CDC42BPG: variants seen among roughly 807,000 people sequenced by gnomAD.
The protein encoded by CDC42BPG is serine/threonine-protein kinase MRCK gamma.
Under a neutral mutation model 192.2 loss-of-function variants are expected in CDC42BPG, and 157 were observed. The observed-to-expected ratio is 0.82, with a 90% CI of 0.72 to 0.93. The LOEUF (loss-of-function observed/expected upper bound fraction) is 0.93, where lower values mean the gene tolerates loss of function less well. CDC42BPG is among the 40% of genes least tolerant of loss of function. The pLI is 0.00. For synonymous variants in CDC42BPG, 981 were observed against 918.5 expected, an observed-to-expected ratio of 1.07 and a Z score of -1.23; for missense variants, 1,992 against 2,122.1, an observed-to-expected ratio of 0.94 and a Z score of 1.20.
intron 1 of CDC42BPG, among the ~76,000 whole-genome samples, chr11:64,843,509 T>C (rs1050500584): frequency 6.6e-6 from 1 of 152,076 alleles, no homozygotes; most frequent in Non-Finnish European, 1.5e-5. Context: ...ACCCCAGGCC[T>C]TGTGCCTTCC....
chr11:64,835,254 C>T, intron 16 of CDC42BPG, 93 bp downstream of exon 16: 3 of 1,608,170 alleles, frequency 1.9e-6, no homozygotes, highest in Non-Finnish European at 2.5e-6. Flanking sequence ...TCCATGTCCA[C>T]CCTGCTCACT....
chr11:64,834,083 G>T, intron 20 of CDC42BPG, 106 bp from the exon 21 acceptor site: 1 of 1,525,150 alleles, frequency 6.6e-7, no homozygotes, highest in Non-Finnish European at 9.1e-7. Context: ...TGACCACAGG[G>T]TGGGGCAGGG....
In CDC42BPG at chr11:64,824,532, G is replaced by A; in HGVS notation, c.4600-3C>T. The A allele has an allele frequency of 6.9e-6, 11 of 1,602,552 alleles. No homozygotes were observed. Among genetic ancestry groups the A allele is most frequent in the Non-Finnish European group, 9.4e-6 (11 of 1,169,834 alleles). ...AGGCTTCGGGGCCGTTCTGAGACCT[G>A]CAGGAGAAAGAAAAGGAAGTCAAGG... On this transcript the variant is annotated splice_polypyrimidine_tract_variant and splice_region_variant and intron_variant, in intron 36 of 36. Coordinates refer to ENST00000342711, the MANE Select transcript of CDC42BPG (RefSeq NM_017525.3).
At chr11:64,833,199 G>A (rs968300827) in intron 24 of CDC42BPG, 32 bp downstream of exon 24, 28 of 1,487,510 alleles carry the variant, frequency 1.9e-5, no homozygotes, top group South Asian at 3.6e-5. Flanking sequence ...ACCTGGGACC[G>A]TGGCTGGAGC....
intron 28 of CDC42BPG, 123 bp downstream of exon 28, chr11:64,831,382 C>T: frequency 5.5e-6 from 5 of 907,924 alleles, no homozygotes; most frequent in Non-Finnish European, 8.4e-6. Flanking sequence ...ATACGTGGTG[C>T]AAGGCAGTCT....
intron 8 of CDC42BPG, 108 bp from the exon 9 acceptor site, chr11:64,838,270 A>T: frequency 1.3e-6 from 1 of 794,912 alleles, no homozygotes. Context: ...ACAGGTGGGA[A>T]CTCAGGGGGG....
In CDC42BPG at chr11:64,823,585, A is replaced by T. The variant is rs1241982871; in HGVS notation, c.*888T>A. On this transcript the variant is annotated 3_prime_UTR_variant, in exon 37 of 37. Coordinates refer to ENST00000342711, the MANE Select transcript of CDC42BPG (RefSeq NM_017525.3). ...GTTTCCAATACACAACTGGTTGAAG[A>T]TTCGAGAAAAACGACCCCCTTTCTG... The T allele has an allele frequency of 6.6e-6, 1 of 152,174 alleles. No individual in the cohort carries two copies. The highest frequency in any genetic ancestry group is 2.4e-5 in the African/African-American group (1 of 41,446). The allele number at this position is 152,174 out of a possible 1,614,324, so 9.4% of individuals were successfully genotyped here.
chr11:64,834,393 C>A (rs888608696), intron 19 of CDC42BPG, 36 bp downstream of exon 19: 14 of 1,557,672 alleles, frequency 9.0e-6, no homozygotes, highest in Non-Finnish European at 1.0e-5. Context: ...GGCCTCTGTG[C>A]GGGCCCTGGC....
chr11:64,838,773 A>C lies in CDC42BPG; in HGVS notation c.1006T>G (p.Phe336Val), dbSNP rs759932575. Residue 336 changes from phenylalanine (F) to valine (V), a missense_variant, in exon 8 of 37, where the codon TTC (phenylalanine) becomes GTC (valine). Physicochemically the swap from Phe to Val is conservative, Grantham distance 50. Transcript: ENST00000342711. ...CGCTCCCAGTCCACGCCTTCGAAGA[A>C]AGGATGGTTCCGGAAGTCATCCAGC... ...GGLDDFRNHPFFEGVDWERLA... is the reference protein window; with the variant it reads ...GGLDDFRNHPVFEGVDWERLA... The C allele has an allele frequency of 6.2e-7, 1 of 1,612,952 alleles. No homozygotes were observed. Among genetic ancestry groups the C allele is most frequent in the Admixed American group, 1.7e-5 (1 of 60,030 alleles).
In CDC42BPG at chr11:64,829,652, GGCCCCCAGC is replaced by G. The variant is rs1414593481; in HGVS notation, c.3777_3785del (p.Leu1260_Ala1262del). ...GTGGCAGCTCCTCAGGCACCAAACC[GGCCCCCAGC>G]GCCAACGGCGCAGCCTCGTTGAGCA... On this transcript the variant is annotated inframe_deletion, in exon 30 of 37. Coordinates refer to ENST00000342711, the MANE Select transcript of CDC42BPG (RefSeq NM_017525.3). The G allele has an allele frequency of 1.2e-6, 2 of 1,611,362 alleles. No individual in the cohort carries two copies. The highest frequency in any genetic ancestry group is 1.7e-6 in the Non-Finnish European group (2 of 1,179,354).
intron 3 of CDC42BPG, 130 bp from the exon 4 acceptor site, chr11:64,840,778 C>T (rs769228178): frequency 3.1e-5 from 24 of 765,272 alleles, no homozygotes; most frequent in African/African-American, 5.1e-5. Context: ...CTCTACTGTC[C>T]CCTGTCTGGC....
intron 3 of CDC42BPG, among the ~76,000 whole-genome samples, 198 bp downstream of exon 3, chr11:64,841,451 CA>C (rs376345283): frequency 0.057 from 5,362 of 94,242 alleles, 146 homozygotes; most frequent in African/African-American, 0.13. Context: ...GATTCCGTCT[CA>C]AAAAAAAAAA....
rs940919830 is a variant in CDC42BPG at position 64,843,452 on chromosome 11, G to A, written c.160+958C>T. Among the ~76,000 whole-genome samples the A allele has an allele frequency of 5.3e-5, 8 of 152,210 alleles. No individual in the cohort carries two copies. The East Asian group carries it at 1.6e-3, about 29-fold the overall frequency. On this transcript the variant is annotated intron_variant, in intron 1 of 36. Transcript: ENST00000342711. ...CCTCGCCCTGGATGGAAGGGTTGGGGCTAGGGGACAACTCCCTGGCACATC... is the reference window on the plus strand; with the variant it reads ...CCTCGCCCTGGATGGAAGGGTTGGGACTAGGGGACAACTCCCTGGCACATC...
rs373821422 is a variant in CDC42BPG at position 64,830,247 on chromosome 11, C to T, written c.3314G>A (p.Arg1105Gln). 33 of 1,608,874 alleles carry T rather than the reference C, an allele frequency of 2.1e-5. No individual in the cohort carries two copies. The highest frequency in any genetic ancestry group is 2.6e-5 in the Non-Finnish European group (31 of 1,177,634). The change falls in exon 29 of 37, where the codon CGA becomes CAA. Residue 1105 changes from arginine to glutamine, a missense_variant. Arg to Gln is a conservative substitution (Grantham distance 43, BLOSUM62 1). Coordinates refer to ENST00000342711, the MANE Select transcript of CDC42BPG (RefSeq NM_017525.3). Reference sequence around the variant, plus strand: ...CCCCTCCTCGGTGCCAAGCGCAAGTCGATCCTGGTCTGGTAGAGGGAGGCA... The same window carrying T: ...CCCCTCCTCGGTGCCAAGCGCAAGTTGATCCTGGTCTGGTAGAGGGAGGCA... ...TLCAAILDQDRLALGTEEGLF... is the reference protein window; with the variant it reads ...TLCAAILDQDQLALGTEEGLF...
rs749626425 is a variant in CDC42BPG, at chr11:64,835,027, G to A, written c.2060+20C>T. 6 of 526,704 alleles carry A rather than the reference G, an allele frequency of 1.1e-5. No homozygotes were observed. The highest frequency in any genetic ancestry group is 2.5e-5 in the Admixed American group (1 of 39,292). 32.6% of individuals were successfully genotyped at this position (526,704 alleles called of 1,614,324 possible). A position where few individuals can be genotyped will look rare whatever the true frequency, so the allele number is the denominator to read the frequency against. On this transcript the variant is annotated intron_variant, in intron 17 of 36. Transcript: ENST00000342711. The stretch of plus-strand genomic sequence containing the variant: ...CAGTCTCGCCTGCGTTCCCCACCCC[G>A]ACCCACCCCTGGCACCCACCAGCTG...
Position 64,826,721 on chromosome 11 carries a change from C to T in CDC42BPG, c.4463G>A (p.Arg1488Gln), listed in dbSNP as rs758205938. ...QRPHSFSEAL[R>Q]RPASMGSEGL... The stretch of plus-strand genomic sequence containing the variant: ...TTCGCTGCCCATGGAGGCTGGGCGC[C>T]GCAACGCCTCGGAGAAGCTGTGGGG... Residue 1488 changes from arginine to glutamine, a missense_variant, in exon 35 of 37, where the codon CGG becomes CAG. This residue lies in a region of CDC42BPG where 336 missense variants were observed against 277.9 expected (regional missense o/e 1.21). Transcript: ENST00000342711. 2.6e-6 allele frequency: 4 copies of T among 1,549,118 alleles called. No individual in the cohort carries two copies. The highest frequency in any genetic ancestry group is 1.2e-5 in the South Asian group (1 of 83,814).
chr11:64,841,101 A>C (rs1181999152), intron 3 of CDC42BPG, among the ~76,000 whole-genome samples: 1 of 150,634 alleles, frequency 6.6e-6, no homozygotes, highest in East Asian at 2.0e-4. Context: ...CAGTGAGCCG[A>C]GATCACGCCA....
At position 64,827,656 on chromosome 11, in the gene CDC42BPG, C is replaced by T. The variant is rs73494264; in HGVS notation, c.4065+30G>A. ...GGTCAGGCCACGCCTCCACCCCCGG[C>T]GCTACCCCAGGGCTCTGGCGGACCC... On this transcript the variant is annotated intron_variant, in intron 31 of 36. Coordinates refer to ENST00000342711, the MANE Select transcript of CDC42BPG (RefSeq NM_017525.3). 2,523 of 1,605,048 alleles carry T rather than the reference C, an allele frequency of 1.6e-3. 40 individuals are homozygous for T. The African/African-American group carries it at 0.03, about 19-fold the overall frequency.
chr11:64,833,595 C>T lies in CDC42BPG; in HGVS notation c.2625+5G>A. ...CCCACCCTGCTTGCCCCTCTGGGCACTGACCTTAGCAGGAAGACCTTCTGT... is the reference window on the plus strand; with the variant it reads ...CCCACCCTGCTTGCCCCTCTGGGCATTGACCTTAGCAGGAAGACCTTCTGT... On this transcript the variant is annotated splice_donor_5th_base_variant and intron_variant, in intron 23 of 36. Coordinates refer to ENST00000342711, the MANE Select transcript of CDC42BPG (RefSeq NM_017525.3). 1.2e-6 allele frequency: 2 copies of T among 1,607,034 alleles called. No individual in the cohort carries two copies. Among genetic ancestry groups the T allele is most frequent in the South Asian group, 1.1e-5 (1 of 89,700 alleles).
Sources: allele counts gnomAD v4.1 joint callset (sites outside exome capture counted in the v4.1 genomes callset), GRCh38; gene constraint gnomAD v4.1.1; regional missense constraint gnomAD v4.1.1; transcripts MANE v1.5; gene names NCBI Gene and HGNC (gene_info 2026-07-23, HGNC 2026-07-21).